AK8: variants seen among roughly 807,000 people sequenced by gnomAD.
AK8 encodes the protein adenylate kinase 8.
In AK8, 44 loss-of-function variants were observed where a neutral mutation model predicts 54.6. The ratio of observed to expected loss-of-function variants is 0.81; its 90% CI spans 0.63 to 1.04. The LOEUF (loss-of-function observed/expected upper bound fraction) is 1.04. Among genes scored for constraint, AK8 ranks in the 50% least tolerant of loss-of-function variants. The probability of loss-of-function intolerance (pLI) is 0.00; values close to 1 mark genes in which losing one functional copy is unlikely to be tolerated. For synonymous variants in AK8, 239 were observed against 245.6 expected (o/e 0.97, Z 0.25); for missense variants, 555 against 613.6 (o/e 0.90, Z 1.01).
intron 2 of AK8, among the ~76,000 whole-genome samples, chr9:132,874,833 TG>T (rs1844017557): frequency 6.6e-6 from 1 of 152,246 alleles, no homozygotes; most frequent in Admixed American, 6.5e-5. Flanking sequence ...TGGGTCATTC[TG>T]GGGTTTTCAT....
chr9:132,760,296 C>T (rs1471169413), intron 11 of AK8, among the ~76,000 whole-genome samples: 6 of 152,060 alleles, frequency 3.9e-5, no homozygotes, highest in African/African-American at 1.4e-4. Flanking sequence ...GATCCTCCCA[C>T]CTCAGTCTCC....
At chr9:132,866,505 AT>A (rs1269501708) in intron 3 of AK8, among the ~76,000 whole-genome samples, 1 of 152,242 alleles carries the variant, frequency 6.6e-6, no homozygotes, top group African/African-American at 2.4e-5. Flanking sequence ...GTATTTCACA[AT>A]TAAAATGCTC....
At chr9:132,780,723 T>C (rs1206358255) in intron 11 of AK8, among the ~76,000 whole-genome samples, 1 of 152,184 alleles carries the variant, frequency 6.6e-6, no homozygotes, top group Non-Finnish European at 1.5e-5. Context: ...TCTTGGGTGG[T>C]TTCCTGAGAG....
chr9:132,864,158 T>TC (rs1564445741), intron 3 of AK8, among the ~76,000 whole-genome samples: 1 of 152,210 alleles, frequency 6.6e-6, no homozygotes, highest in Admixed American at 6.5e-5. Context: ...CACTCAGTGT[T>TC]CTTTTTTTTT....
At chr9:132,805,649 A>G (rs1361062251) in intron 10 of AK8, among the ~76,000 whole-genome samples, 2 of 151,832 alleles carry the variant, frequency 1.3e-5, no homozygotes, top group African/African-American at 4.8e-5. Flanking sequence ...AAAGAGAAGG[A>G]CCCTCGGGGG....
rs1221798532 is a variant in AK8, at chr9:132,827,699, A to T, written c.556+314T>A. 6 of 377,878 alleles carry T rather than the reference A, an allele frequency of 1.6e-5. No individual in the cohort carries two copies. In the East Asian group the frequency reaches 1.9e-4, roughly 12 times the overall value. 23.4% of individuals were successfully genotyped at this position (377,878 alleles called of 1,614,324 possible). On this transcript the variant is annotated intron_variant, in intron 7 of 12. Transcript: ENST00000298545. ...GTCAAGGGGGCACATAATTTGTCCC[A>T]GGGAGAGGCAGACATGTCCCCTGGC...
At chr9:132,768,533 C>T (rs1356704033) in intron 11 of AK8, among the ~76,000 whole-genome samples, 1 of 152,214 alleles carries the variant, frequency 6.6e-6, no homozygotes, top group Non-Finnish European at 1.5e-5. Flanking sequence ...TCCCCAAGTG[C>T]TGGGATTACA....
rs969161494 is a variant in AK8 at position 132,871,564 on chromosome 9, G to A, written c.169+3551C>T. 9.2e-5 allele frequency among the ~76,000 whole-genome samples: 14 copies of A among 152,334 alleles called. 1 individual carries two copies. The highest frequency in any genetic ancestry group is 2.1e-4 in the South Asian group (1 of 4,828). ...GTGACTCGACTCCCTGAGAGCATCC[G>A]GGCAAAAAGCTGGACTCAGCTATTC... is the stretch of plus-strand genomic sequence containing the variant. On this transcript the variant is annotated intron_variant, in intron 2 of 12. Transcript: ENST00000298545.
intron 11 of AK8, among the ~76,000 whole-genome samples, chr9:132,739,301 G>C (rs1238514244): frequency 6.6e-6 from 1 of 151,452 alleles, no homozygotes; most frequent in Non-Finnish European, 1.5e-5. Flanking sequence ...GATAAGCCAG[G>C]TGTGATGGCA....
At chr9:132,863,318 G>A (rs73550609) in intron 4 of AK8, among the ~76,000 whole-genome samples, 198 of 152,364 alleles carry the variant, frequency 1.3e-3, no homozygotes, top group African/African-American at 3.4e-3. Flanking sequence ...GGCGCGGGCC[G>A]CCAGGTTCAG....
chr9:132,773,609 A>G (rs1839075121), intron 11 of AK8, among the ~76,000 whole-genome samples: 1 of 152,328 alleles, frequency 6.6e-6, no homozygotes, highest in South Asian at 2.1e-4. Context: ...CTAACTGAAT[A>G]AAGTCATTGC....
At chr9:132,725,949 G>A (rs776143432) in intron 12 of AK8, 24 bp from the exon 13 acceptor site, 31 of 1,602,458 alleles carry the variant, frequency 1.9e-5, no homozygotes, top group Non-Finnish European at 2.3e-5. Context: ...AGGAAAGCAG[G>A]TGACCCATGG....
intron 11 of AK8, among the ~76,000 whole-genome samples, chr9:132,751,405 AC>A (rs1837919162): frequency 6.7e-6 from 1 of 149,866 alleles, no homozygotes; most frequent in South Asian, 2.1e-4. Context: ...AACAAAAAAA[AC>A]CAACTTCTGG....
In AK8 at chr9:132,826,936, G is replaced by A. The variant is rs1213764057; in HGVS notation, c.675C>T (p.Asn225=). 2.5e-6 allele frequency: 4 copies of A among 1,614,124 alleles called. No individual in the cohort carries two copies. In the African/African-American group the frequency reaches 4.0e-5, roughly 16 times the overall value. ...GGTAGGAGGGAATGACCCTGACGAT[G>A]TTCCTATGATACTCCAGCAGTTTCT... ...TAQKLLEYHR[N]IVRVIPSYPK... The change falls in exon 8 of 13, where the codon AAC becomes AAT. Residue 225 remains asparagine, a synonymous_variant. Transcript: ENST00000298545. The surrounding 1 kb of genome is among the most constrained non-coding windows in gnomAD (Gnocchi z 4.5).
intron 11 of AK8, among the ~76,000 whole-genome samples, chr9:132,779,353 C>T (rs2131120858): frequency 6.6e-6 from 1 of 152,336 alleles, no homozygotes; most frequent in African/African-American, 2.4e-5. Flanking sequence ...ACAAGGTCTC[C>T]TTCTGTCACC....
chr9:132,778,529 T>C (rs1198335208), intron 11 of AK8, among the ~76,000 whole-genome samples: 1 of 152,164 alleles, frequency 6.6e-6, no homozygotes, highest in Admixed American at 6.5e-5. Flanking sequence ...TACTTTGCAT[T>C]TTAATTTTTC....
At chr9:132,822,462 C>T (rs769911997) in intron 9 of AK8, among the ~76,000 whole-genome samples, 112 of 149,416 alleles carry the variant, frequency 7.5e-4, no homozygotes, top group Non-Finnish European at 1.4e-3. Context: ...TATGCATATG[C>T]ATATATTTGG....
intron 11 of AK8, among the ~76,000 whole-genome samples, chr9:132,753,255 C>T (rs1028008955): frequency 5.9e-5 from 9 of 152,222 alleles, no homozygotes; most frequent in Non-Finnish European, 4.4e-5. Flanking sequence ...TGGTTCTGGG[C>T]TCTCTCATCT....
chr9:132,853,140 C>G (rs1205966211), intron 5 of AK8, among the ~76,000 whole-genome samples: 1 of 151,044 alleles, frequency 6.6e-6, no homozygotes, highest in Non-Finnish European at 1.5e-5. Context: ...GTGGATCACC[C>G]GAGGTCAGGA....
Sources: allele counts gnomAD v4.1 joint callset (sites outside exome capture counted in the v4.1 genomes callset), GRCh38; gene constraint gnomAD v4.1.1; non-coding constraint Gnocchi (gnomAD v3.1); transcripts MANE v1.5; gene names NCBI Gene and HGNC (gene_info 2026-07-23, HGNC 2026-07-21).